The following ZNF485 variants were observed in gnomAD, a reference collection of about 807,000 sequenced individuals.
ZNF485 encodes zinc finger protein 485.
A neutral mutation model predicts 10.8 loss-of-function variants in ZNF485; 9 were observed. The ratio of observed to expected loss-of-function variants is 0.83; its 90% CI spans 0.50 to 1.45. The LOEUF is 1.45. Ranked by LOEUF, ZNF485 falls within the 40% of genes most tolerant of loss-of-function variation. The pLI is 0.00. For missense variants in ZNF485, 487 were observed against 528.0 expected (o/e 0.92, Z 0.76); for synonymous variants, 187 against 181.0 (o/e 1.03, Z -0.27).
chr10:43,614,362 G>A (rs762355477), intron 4 of ZNF485, among the ~76,000 whole-genome samples: 13 of 152,146 alleles, frequency 8.5e-5, no homozygotes, highest in Non-Finnish European at 1.6e-4. Context: ...TTGATGAATA[G>A]CAGTTCTTCC....
intron 4 of ZNF485, among the ~76,000 whole-genome samples, chr10:43,611,016 T>C (rs1838758749): frequency 1.3e-5 from 2 of 151,774 alleles, no homozygotes; most frequent in Admixed American, 1.3e-4. Flanking sequence ...TGTTTAGAGC[T>C]TCTCTCTCTC....
Position 43,616,946 on chromosome 10 carries a change from T to C in ZNF485, c.903T>C (p.Asn301=), listed in dbSNP as rs772912266. 3.7e-6 allele frequency: 6 copies of C among 1,614,120 alleles called. No individual in the cohort carries two copies. Among genetic ancestry groups the C allele is most frequent in the Non-Finnish European group, 4.2e-6 (5 of 1,180,028 alleles). ...IHTGEKPYQC[N]ECGKAFRKSS... is the part of the protein sequence containing the mutation. ...CTGGTGAGAAGCCATATCAGTGTAA[T>C]GAATGTGGAAAAGCCTTTAGGAAGA... The change falls in exon 5 of 5, where the codon AAT becomes AAC. Residue 301 remains asparagine (N), a synonymous_variant. Transcript: ENST00000361807.
At chr10:43,614,696 C>T (rs3123679) in intron 4 of ZNF485, among the ~76,000 whole-genome samples, 137,998 of 152,020 alleles carry the variant, frequency 0.91, 62,733 homozygotes, top group East Asian at 1. Context: ...CAATTATTTA[C>T]TAACATTTAT....
intron 4 of ZNF485, among the ~76,000 whole-genome samples, chr10:43,614,708 A>G (rs1838823967): frequency 6.6e-6 from 1 of 151,858 alleles, no homozygotes; most frequent in Non-Finnish European, 1.5e-5. Context: ...AACATTTATT[A>G]TTTTTGTGAT....
chr10:43,611,167 C>G (rs1838760715), intron 4 of ZNF485, among the ~76,000 whole-genome samples: 1 of 152,072 alleles, frequency 6.6e-6, no homozygotes, highest in South Asian at 2.1e-4. Context: ...TCCTGAGTAG[C>G]TGGGACCACA....
intron 4 of ZNF485, among the ~76,000 whole-genome samples, chr10:43,615,659 C>T (rs1838844168): frequency 6.6e-6 from 1 of 152,206 alleles, no homozygotes. Context: ...GTCTCGGCCT[C>T]CCAAAGTGCT....
chr10:43,616,291 TC>T lies in ZNF485; in HGVS notation c.249del (p.Glu84ArgfsTer12). The T allele has an allele frequency of 6.4e-7, 1 of 1,551,782 alleles. No individual in the cohort carries two copies. Among genetic ancestry groups the T allele is most frequent in the Non-Finnish European group, 8.7e-7 (1 of 1,153,252 alleles). On this transcript the variant is annotated frameshift_variant and splice_region_variant, in exon 5 of 5. Transcript: ENST00000361807. LOFTEE classifies it low-confidence loss of function (END_TRUNC). ...TTGAATTTTTAAAATTTTCTTTCAG[TC>T]GAGGATTACTGGTTTGAAACAAAGA... is the stretch of plus-strand genomic sequence containing the variant. ...VREAPSGTHA[V>X]EDYWFETKMS...
chr10:43,609,222 TC>T, intron 3 of ZNF485, 32 bp from the exon 4 acceptor site: 1 of 1,542,094 alleles, frequency 6.5e-7, no homozygotes. Flanking sequence ...ATTTTTTTTT[TC>T]TTCCTCTAAG....
intron 4 of ZNF485, among the ~76,000 whole-genome samples, 192 bp downstream of exon 4, chr10:43,609,542 TC>T (rs1166358018): frequency 6.6e-6 from 1 of 152,200 alleles, no homozygotes; most frequent in African/African-American, 2.4e-5. Flanking sequence ...GCTGCTGCCT[TC>T]CTGAGGGCCT....
intron 4 of ZNF485, among the ~76,000 whole-genome samples, chr10:43,610,196 C>T (rs1838743174): frequency 6.6e-6 from 1 of 152,096 alleles, no homozygotes; most frequent in East Asian, 1.9e-4. Context: ...CTGTCCTTTG[C>T]TCTTGGCTCT....
In ZNF485 at chr10:43,616,885, A is replaced by G; in HGVS notation, c.842A>G (p.Asp281Gly). The G allele has an allele frequency of 6.2e-7, 1 of 1,614,140 alleles. No homozygotes were observed. ...KCNKCGRAFR[D>G]NSTVLEHQKI... ...AACAAGTGTGGGAGAGCTTTCAGGG[A>G]TAATTCAACTGTGTTGGAACATCAG... The change falls in exon 5 of 5, where the codon GAT (aspartate) becomes GGT (glycine). Residue 281 changes from aspartate (D) to glycine (G), a missense_variant. Asp to Gly is a moderately conservative substitution (Grantham distance 94). Coordinates refer to ENST00000361807, the MANE Select transcript of ZNF485 (RefSeq NM_145312.4).
In ZNF485 at chr10:43,609,400, C is replaced by CG. The variant is rs1288545609; in HGVS notation, c.247+55dup. 8 of 1,454,664 alleles carry CG rather than the reference C, an allele frequency of 5.5e-6. No individual in the cohort carries two copies. In the African/African-American group the frequency reaches 7.0e-5, roughly 13 times the overall value. The allele number at this position is 1,454,664 out of a possible 1,614,324, so 90.1% of individuals were successfully genotyped here. A position where few individuals can be genotyped will look rare whatever the true frequency, so the allele number is the denominator to read the frequency against. The stretch of plus-strand genomic sequence containing the variant: ...CAGAAGCTGAGCACACGGAGCAGTA[C>CG]GGGGGTTCCTGAGTGGAAGCTCATC... On this transcript the variant is annotated intron_variant, in intron 4 of 4. Transcript: ENST00000361807.
chr10:43,615,368 G>C (rs1158602380), intron 4 of ZNF485, among the ~76,000 whole-genome samples: 7 of 152,056 alleles, frequency 4.6e-5, no homozygotes, highest in African/African-American at 7.3e-5. Context: ...TAAAAAGCTA[G>C]AGAAAATTCA....
Position 43,617,607 on chromosome 10 carries a change from T to C in ZNF485, c.*238T>C, listed in dbSNP as rs754188548. ...GAATGAGGTGGAGCTGTAAATACTG[T>C]ACAAAGCCAGGCATGGTGGCATATG... On this transcript the variant is annotated 3_prime_UTR_variant, in exon 5 of 5. Transcript: ENST00000361807. 8.0e-6 allele frequency: 3 copies of C among 376,316 alleles called. No individual in the cohort carries two copies. Among genetic ancestry groups the C allele is most frequent in the African/African-American group, 4.1e-5 (2 of 49,278 alleles). The allele number at this position is 376,316 out of a possible 1,614,324, so 23.3% of individuals were successfully genotyped here.
At chr10:43,608,406 A>G (rs1402105538) in intron 2 of ZNF485, among the ~76,000 whole-genome samples, 1 of 152,232 alleles carries the variant, frequency 6.6e-6, no homozygotes. Flanking sequence ...AGCAGAGGCT[A>G]GGCCTGGAGG....
chr10:43,616,641 A>G lies in ZNF485; in HGVS notation c.598A>G (p.Thr200Ala). Residue 200 changes from threonine (T) to alanine (A), a missense_variant, in exon 5 of 5, where the codon ACG becomes GCG. Coordinates refer to ENST00000361807, the MANE Select transcript of ZNF485 (RefSeq NM_145312.4). The part of the protein sequence containing the change: ...ECGKFLKKHS[T>A]FINHQRIHSR... ...TGGGAAGTTCCTGAAGAAGCACTCA[A>G]CGTTTATCAACCATCAGAGAATTCA... The G allele has an allele frequency of 1.9e-6, 3 of 1,614,200 alleles. No individual in the cohort carries two copies. Among genetic ancestry groups the G allele is most frequent in the Non-Finnish European group, 8.5e-7 (1 of 1,180,028 alleles).
rs771655109 is a variant in ZNF485, at chr10:43,608,750, G to C, written c.151+10G>C. 5.6e-6 allele frequency: 9 copies of C among 1,613,092 alleles called. No homozygotes were observed. The South Asian group carries it at 7.7e-5, about 14-fold the overall frequency. The stretch of plus-strand genomic sequence containing the variant: ...AATCTGGTGTCTGTGGGTGAGGATG[G>C]CTTTCTCCTTGACTCAGGATTGGTC... On this transcript the variant is annotated intron_variant, in intron 3 of 4. Coordinates refer to ENST00000361807, the MANE Select transcript of ZNF485 (RefSeq NM_145312.4).
At chr10:43,607,284 C>A in intron 2 of ZNF485, 1 of 626,682 alleles carries the variant, frequency 1.6e-6, no homozygotes, top group South Asian at 2.0e-5. Context: ...GTGCTAGAAA[C>A]AGAAAAGTGC....
At chr10:43,609,540 C>G (rs556499503) in intron 4 of ZNF485, among the ~76,000 whole-genome samples, 190 bp downstream of exon 4, 3 of 152,226 alleles carry the variant, frequency 2.0e-5, no homozygotes, top group Non-Finnish European at 4.4e-5. Context: ...GGGCTGCTGC[C>G]TTCCTGAGGG....
Sources: gnomAD v4.1 joint callset for allele counts (sites outside exome capture counted in the v4.1 genomes callset) on GRCh38, gnomAD v4.1.1 for gene constraint, MANE v1.5 for transcripts, NCBI Gene and HGNC (gene_info 2026-07-23, HGNC 2026-07-21) for gene names.